Variants in POLR3B observed in about 807,000 individuals in gnomAD.
POLR3B encodes DNA-directed RNA polymerase III subunit RPC2.
POLR3B carries 96 observed loss-of-function variants against 147.4 expected under a neutral mutation model. The observed-to-expected ratio is 0.65, with a 90% CI of 0.55 to 0.77. The LOEUF (loss-of-function observed/expected upper bound fraction) is 0.77. Ranked by LOEUF, POLR3B falls within the 30% of genes least tolerant of loss-of-function variation. The probability of loss-of-function intolerance (pLI) is 0.00; values close to 1 mark genes in which losing one functional copy is unlikely to be tolerated. For missense variants in POLR3B, 1,036 were observed against 1,413.5 expected (o/e 0.73, Z 4.28); for synonymous variants, 461 against 485.9 (o/e 0.95, Z 0.67).
At chr12:106,369,945 C>A (rs2036582187) in intron 6 of POLR3B, among the ~76,000 whole-genome samples, 1 of 151,996 alleles carries the variant, frequency 6.6e-6, no homozygotes, top group African/African-American at 2.4e-5. Flanking sequence ...CCACTAGATA[C>A]AATAGCCTTT....
At chr12:106,398,991 T>C (rs1478997486) in intron 10 of POLR3B, among the ~76,000 whole-genome samples, 5 of 152,100 alleles carry the variant, frequency 3.3e-5, no homozygotes, top group Admixed American at 1.3e-4. Flanking sequence ...GAGAATGACT[T>C]TGACGAGTTG....
In POLR3B at chr12:106,469,891, G is replaced by A. The variant is rs560623199; in HGVS notation, c.2713+6271G>A. ...TCTGGCTGCCCTTAACACTTTTTCC[G>A]TCATTTCAACCTTGGTGAATCTGAC... is the stretch of plus-strand genomic sequence containing the variant. On this transcript the variant is annotated intron_variant, in intron 23 of 27. Coordinates refer to ENST00000228347, the MANE Select transcript of POLR3B (RefSeq NM_018082.6). Among the ~76,000 whole-genome samples, 501 of 152,126 alleles carry A rather than the reference G, an allele frequency of 3.3e-3. 6 individuals are homozygous for A. Among genetic ancestry groups the A allele is most frequent in the South Asian group, 0.011 (54 of 4,812 alleles).
chr12:106,424,658 C>CT (rs770091473), intron 12 of POLR3B, among the ~76,000 whole-genome samples: 14 of 151,990 alleles, frequency 9.2e-5, no homozygotes, highest in Admixed American at 6.6e-5. Context: ...TGATTTAGTT[C>CT]TCTAATTTCC....
intron 22 of POLR3B, among the ~76,000 whole-genome samples, chr12:106,461,881 C>G (rs952894822): frequency 6.6e-6 from 1 of 152,174 alleles, no homozygotes; most frequent in Non-Finnish European, 1.5e-5. Flanking sequence ...CCCCAGTTCT[C>G]AGCACTCCAG....
At chr12:106,486,968 T>A (rs1314694081) in intron 23 of POLR3B, among the ~76,000 whole-genome samples, 1 of 152,188 alleles carries the variant, frequency 6.6e-6, no homozygotes, top group Non-Finnish European at 1.5e-5. Flanking sequence ...TTGAAGAAAA[T>A]GTTTTGGCCA....
At chr12:106,385,453 G>C (rs2036822773) in intron 9 of POLR3B, among the ~76,000 whole-genome samples, 1 of 152,122 alleles carries the variant, frequency 6.6e-6, no homozygotes, top group Non-Finnish European at 1.5e-5. Flanking sequence ...TTATGATAGT[G>C]GAAATAATTT....
intron 23 of POLR3B, among the ~76,000 whole-genome samples, chr12:106,488,370 T>G (rs574798715): frequency 1.3e-5 from 2 of 152,308 alleles, no homozygotes; most frequent in South Asian, 2.1e-4. Flanking sequence ...GTGAAATGAT[T>G]TAGTAATAAC....
chr12:106,410,150 T>C (rs993207473), intron 11 of POLR3B: 1 of 152,564 alleles, frequency 6.6e-6, no homozygotes, highest in Admixed American at 6.5e-5. Context: ...AATGTAACTG[T>C]TCATTGTGTA....
intron 16 of POLR3B, among the ~76,000 whole-genome samples, chr12:106,435,067 G>A (rs545908589): frequency 1.1e-4 from 16 of 151,954 alleles, no homozygotes; most frequent in East Asian, 5.8e-4. Flanking sequence ...AACTGCTCTC[G>A]TTCCTTTTCT....
At chr12:106,364,494 C>T (rs552554742) in intron 2 of POLR3B, among the ~76,000 whole-genome samples, 6 of 152,336 alleles carry the variant, frequency 3.9e-5, no homozygotes, top group Non-Finnish European at 1.5e-5. Flanking sequence ...TATCATGCTC[C>T]ACTGGTGGGA....
In POLR3B at chr12:106,506,448, T is replaced by C. The variant is rs181969161; in HGVS notation, c.3272+2194T>C. Among the ~76,000 whole-genome samples the C allele has an allele frequency of 1.1e-3, 162 of 152,206 alleles. 4 individuals are homozygous for C. The East Asian group carries it at 0.017, about 16-fold the overall frequency. On this transcript the variant is annotated intron_variant, in intron 27 of 27. Coordinates refer to ENST00000228347, the MANE Select transcript of POLR3B (RefSeq NM_018082.6). ...AAGAAAACAGTCAACCCGATTCACTTATGTGCTTTGAAAACCTTCCCCTCT... is the reference window on the plus strand; with the variant it reads ...AAGAAAACAGTCAACCCGATTCACTCATGTGCTTTGAAAACCTTCCCCTCT...
At chr12:106,479,168 T>C (rs1223251821) in intron 23 of POLR3B, among the ~76,000 whole-genome samples, 1 of 152,122 alleles carries the variant, frequency 6.6e-6, no homozygotes, top group East Asian at 1.9e-4. Flanking sequence ...ATTTAGTTAA[T>C]AATTTCCTCT....
intron 9 of POLR3B, among the ~76,000 whole-genome samples, chr12:106,391,646 T>A (rs190681400): frequency 6.6e-6 from 1 of 152,318 alleles, no homozygotes; most frequent in East Asian, 1.9e-4. Flanking sequence ...GGTTTTTCAT[T>A]TATGCAAATG....
At chr12:106,467,462 T>G (rs2038022481) in intron 23 of POLR3B, among the ~76,000 whole-genome samples, 1 of 152,204 alleles carries the variant, frequency 6.6e-6, no homozygotes, top group Non-Finnish European at 1.5e-5. Context: ...CTTGCCTGAT[T>G]GCCCTGGCCA....
chr12:106,470,743 G>A (rs2038079253), intron 23 of POLR3B, among the ~76,000 whole-genome samples: 1 of 152,074 alleles, frequency 6.6e-6, no homozygotes, highest in South Asian at 2.1e-4. Context: ...GAGTATGCTG[G>A]AAGTCCACTC....
intron 20 of POLR3B, among the ~76,000 whole-genome samples, chr12:106,455,377 C>T (rs776133117): frequency 5.3e-5 from 8 of 152,148 alleles, no homozygotes; most frequent in Non-Finnish European, 1.2e-4. Context: ...AGTTGCTAGG[C>T]AGCCATAATA....
At chr12:106,410,125 A>G (rs938954430) in intron 11 of POLR3B, 6 of 152,322 alleles carry the variant, frequency 3.9e-5, no homozygotes, top group African/African-American at 1.4e-4. Flanking sequence ...AAACAATTCT[A>G]AAACTTAGTG....
At chr12:106,435,223 G>C (rs1173991181) in intron 16 of POLR3B, among the ~76,000 whole-genome samples, 1 of 151,790 alleles carries the variant, frequency 6.6e-6, no homozygotes, top group Non-Finnish European at 1.5e-5. Context: ...CGCCTCCCAG[G>C]TTCAAGCGAT....
intron 9 of POLR3B, among the ~76,000 whole-genome samples, chr12:106,392,573 GA>G (rs1270839405): frequency 6.6e-6 from 1 of 152,122 alleles, no homozygotes; most frequent in Non-Finnish European, 1.5e-5. Flanking sequence ...TCCTTTTTAG[GA>G]AAAATATGAG....
Sources: gnomAD v4.1 joint callset for allele counts (sites outside exome capture counted in the v4.1 genomes callset) on GRCh38, gnomAD v4.1.1 for gene constraint, MANE v1.5 for transcripts, NCBI Gene and HGNC (gene_info 2026-07-23, HGNC 2026-07-21) for gene names.